Variants in TBC1D12 observed in about 807,000 individuals in gnomAD.
The protein encoded by TBC1D12 is TBC1 domain family, member 12.
TBC1D12 carries 56 observed loss-of-function variants against 86.7 expected under a neutral mutation model. The observed-to-expected ratio is 0.65, with a 90% CI of 0.52 to 0.81. The LOEUF is 0.81. Among genes scored for constraint, TBC1D12 ranks in the 30% least tolerant of loss-of-function variants. The probability of loss-of-function intolerance (pLI) is 0.00; values close to 1 mark genes in which losing one functional copy is unlikely to be tolerated. For missense variants in TBC1D12, 1,023 were observed against 1,038.8 expected (o/e 0.98, Z 0.21); for synonymous variants, 421 against 411.7 (o/e 1.02, Z -0.27).
At chr10:94,531,614 A>C (rs2134238968) in intron 12 of TBC1D12, among the ~76,000 whole-genome samples, 154 bp downstream of exon 12, 1 of 151,204 alleles carries the variant, frequency 6.6e-6, no homozygotes, top group Admixed American at 6.6e-5. Flanking sequence ...CAAATTGCCC[A>C]CTTTGCAGCT....
intron 9 of TBC1D12, among the ~76,000 whole-genome samples, chr10:94,514,878 C>T (rs1035912534): frequency 6.6e-6 from 1 of 150,740 alleles, no homozygotes; most frequent in Non-Finnish European, 1.5e-5. Context: ...AATTTACATT[C>T]CTATAAACAG....
intron 9 of TBC1D12, among the ~76,000 whole-genome samples, chr10:94,513,654 C>T (rs1193767552): frequency 1.3e-5 from 2 of 151,930 alleles, no homozygotes; most frequent in African/African-American, 2.4e-5. Context: ...TTCCTGGTCC[C>T]CTGGTCCCTG....
intron 1 of TBC1D12, among the ~76,000 whole-genome samples, chr10:94,406,472 C>G (rs2054855266): frequency 6.6e-6 from 1 of 152,164 alleles, no homozygotes; most frequent in African/African-American, 2.4e-5. Context: ...TAAATGAATT[C>G]TGAACACCTT....
intron 6 of TBC1D12, among the ~76,000 whole-genome samples, chr10:94,504,389 C>T (rs1249247549): frequency 6.6e-6 from 1 of 152,064 alleles, no homozygotes; most frequent in Non-Finnish European, 1.5e-5. Context: ...TCATTTATTT[C>T]CAACATAATT....
chr10:94,530,064 AG>A (rs1842385287), intron 11 of TBC1D12, among the ~76,000 whole-genome samples: 1 of 152,226 alleles, frequency 6.6e-6, no homozygotes, highest in African/African-American at 2.4e-5. Flanking sequence ...AATAAGTGGC[AG>A]TGCAAAAGGA....
At chr10:94,488,888 C>A (rs1161984433) in intron 3 of TBC1D12, among the ~76,000 whole-genome samples, 4 of 152,008 alleles carry the variant, frequency 2.6e-5, no homozygotes, top group African/African-American at 9.7e-5. Flanking sequence ...ATACAAAGTC[C>A]TCTTTACCCT....
intron 1 of TBC1D12, among the ~76,000 whole-genome samples, chr10:94,425,440 G>C (rs1238593415): frequency 6.6e-6 from 1 of 152,190 alleles, no homozygotes; most frequent in African/African-American, 2.4e-5. Flanking sequence ...AGTGAGTGCA[G>C]GGCATTGTGA....
intron 1 of TBC1D12, among the ~76,000 whole-genome samples, chr10:94,405,046 CAAAA>C (rs59300913): frequency 3.6e-5 from 4 of 112,332 alleles, no homozygotes; most frequent in Admixed American, 9.1e-5. Flanking sequence ...AGACTTCTCT[CAAAA>C]AAAAAAAAAA....
intron 11 of TBC1D12, among the ~76,000 whole-genome samples, chr10:94,527,279 G>A (rs11188005): frequency 0.38 from 57,171 of 151,738 alleles, 11,218 homozygotes; most frequent in East Asian, 0.7. Flanking sequence ...TAGTAGAGAC[G>A]GGGTCTCACC....
At chr10:94,464,913 G>T (rs539316498) in intron 2 of TBC1D12, among the ~76,000 whole-genome samples, 1 of 152,266 alleles carries the variant, frequency 6.6e-6, no homozygotes, top group South Asian at 2.1e-4. Flanking sequence ...ATGAAGGCTG[G>T]ATTCTCATAT....
intron 1 of TBC1D12, among the ~76,000 whole-genome samples, chr10:94,409,498 A>C (rs11598846): frequency 0.034 from 5,199 of 151,510 alleles, 134 homozygotes; most frequent in Non-Finnish European, 0.057. Flanking sequence ...CAGCCTCCCA[A>C]GTAGCTGAGA....
chr10:94,412,807 C>T (rs75166934), intron 1 of TBC1D12, among the ~76,000 whole-genome samples: 8 of 152,166 alleles, frequency 5.3e-5, no homozygotes, highest in South Asian at 2.1e-4. Flanking sequence ...ACTCTGTTAG[C>T]TACACTATGA....
chr10:94,465,708 G>T (rs1011638438), intron 2 of TBC1D12, among the ~76,000 whole-genome samples: 1 of 108,560 alleles, frequency 9.2e-6, no homozygotes, highest in Admixed American at 8.9e-5. Flanking sequence ...ACATATATAC[G>T]TATACGTATA....
In TBC1D12 at chr10:94,533,009, T is replaced by C; in HGVS notation, c.2260-19T>C. On this transcript the variant is annotated intron_variant, in intron 12 of 12. Coordinates refer to ENST00000225235, the MANE Select transcript of TBC1D12 (RefSeq NM_015188.2). ...GTGGTAGTTTTTGAGGATTAATCTT[T>C]ATTTTATATAATTTTCAGGTCTTTG... is the stretch of plus-strand genomic sequence containing the variant. The C allele has an allele frequency of 7.1e-7, 1 of 1,411,168 alleles. No individual in the cohort carries two copies. The highest frequency in any genetic ancestry group is 9.8e-7 in the Non-Finnish European group (1 of 1,017,956). The allele number at this position is 1,411,168 out of a possible 1,614,324, so 87.4% of individuals were successfully genotyped here.
At chr10:94,495,306 G>A (rs1186931600) in intron 4 of TBC1D12, among the ~76,000 whole-genome samples, 1 of 152,074 alleles carries the variant, frequency 6.6e-6, no homozygotes, top group Non-Finnish European at 1.5e-5. Flanking sequence ...TTACAGGCGT[G>A]AGCCACCATG....
In TBC1D12 at chr10:94,535,274, A is replaced by G. The variant is rs1026295496; in HGVS notation, c.*2178A>G. 1 of 152,172 alleles carries G rather than the reference A, an allele frequency of 6.6e-6. No individual in the cohort carries two copies. Among genetic ancestry groups the G allele is most frequent in the Non-Finnish European group, 1.5e-5 (1 of 68,026 alleles). 9.4% of individuals were successfully genotyped at this position (152,172 alleles called of 1,614,324 possible). ...ATATTGCTATTGTCCTATTATGTTT[A>G]AATTTGAACCTAAATCACTTGAGTG... On this transcript the variant is annotated 3_prime_UTR_variant, in exon 13 of 13. Transcript: ENST00000225235.
At chr10:94,510,230 C>A in intron 8 of TBC1D12, 51 bp downstream of exon 8, 2 of 1,308,486 alleles carry the variant, frequency 1.5e-6, no homozygotes, top group Non-Finnish European at 2.1e-6. Flanking sequence ...CTATCAATAT[C>A]CAAGGCAACA....
chr10:94,506,280 CCA>C (rs756226378), intron 6 of TBC1D12, among the ~76,000 whole-genome samples: 19 of 152,124 alleles, frequency 1.2e-4, no homozygotes, highest in Non-Finnish European at 2.2e-4. Context: ...CTCAGGTGAT[CCA>C]CCCGCCTCGG....
At chr10:94,510,849 A>G (rs1286537870) in intron 8 of TBC1D12, among the ~76,000 whole-genome samples, 1 of 152,106 alleles carries the variant, frequency 6.6e-6, no homozygotes, top group East Asian at 1.9e-4. Flanking sequence ...CTATCTTTAG[A>G]TTGATAAAAA....
Sources: allele counts gnomAD v4.1 joint callset (sites outside exome capture counted in the v4.1 genomes callset), GRCh38; gene constraint gnomAD v4.1.1; transcripts MANE v1.5; gene names NCBI Gene and HGNC (gene_info 2026-07-23, HGNC 2026-07-21).